Variants in CAMSAP2 observed in about 807,000 individuals in gnomAD.
CAMSAP2 encodes calmodulin regulated spectrin associated protein family member 2.
A neutral mutation model predicts 146.1 loss-of-function variants in CAMSAP2; 26 were observed. The observed-to-expected ratio is 0.18, with a 90% CI of 0.13 to 0.25. The LOEUF (loss-of-function observed/expected upper bound fraction) is 0.25, where lower values mean the gene tolerates loss of function less well. Among genes scored for constraint, CAMSAP2 ranks in the 10% least tolerant of loss-of-function variants. The pLI is 1.00. For missense variants in CAMSAP2, 1,381 were observed against 1,759.3 expected (o/e 0.78, Z 3.85); for synonymous variants, 499 against 596.6 (o/e 0.84, Z 2.38).
chr1:200,744,345 C>T (rs943539974), intron 1 of CAMSAP2, among the ~76,000 whole-genome samples: 1 of 152,024 alleles, frequency 6.6e-6, no homozygotes, highest in African/African-American at 2.4e-5. Context: ...AGGGTGAGGT[C>T]GCCTGAGGTT....
Position 200,849,274 on chromosome 1 carries a change from A to G in CAMSAP2, c.2505A>G (p.Ala835=). The G allele has an allele frequency of 6.2e-7, 1 of 1,614,022 alleles. No individual in the cohort carries two copies. The highest frequency in any genetic ancestry group is 1.1e-5 in the South Asian group (1 of 91,086). ...KTDGQRSKSL[A]DIKESMENPQ... ...ATGGACAAAGGAGCAAGTCACTGGC[A>G]GATATAAAAGAGAGCATGGAGAATC... Residue 835 remains alanine, a synonymous_variant, in exon 11 of 17, where the codon GCA becomes GCG. Coordinates refer to ENST00000358823, the MANE Select transcript of CAMSAP2 (RefSeq NM_203459.4). The surrounding 1 kb of genome is among the most constrained non-coding windows in gnomAD (Gnocchi z 6.3).
intron 4 of CAMSAP2, among the ~76,000 whole-genome samples, chr1:200,817,380 G>C (rs1288463041): frequency 6.6e-6 from 1 of 152,012 alleles, no homozygotes; most frequent in Non-Finnish European, 1.5e-5. Context: ...CAGACTTTTA[G>C]AATTTTCTTC....
intron 2 of CAMSAP2, among the ~76,000 whole-genome samples, chr1:200,773,669 G>T (rs1665180241): frequency 6.6e-6 from 1 of 152,100 alleles, no homozygotes; most frequent in East Asian, 1.9e-4. Context: ...CTATTGTGGA[G>T]TAATAATGTT....
At chr1:200,796,827 C>T (rs1265267603) in intron 2 of CAMSAP2, among the ~76,000 whole-genome samples, 1 of 151,960 alleles carries the variant, frequency 6.6e-6, no homozygotes, top group Non-Finnish European at 1.5e-5. Context: ...CCCTCTCCCC[C>T]CACCCCACAA....
intron 4 of CAMSAP2, among the ~76,000 whole-genome samples, chr1:200,824,744 C>T (rs894317472): frequency 2.0e-5 from 3 of 152,242 alleles, no homozygotes; most frequent in East Asian, 1.9e-4. Context: ...TTTGGGAGGC[C>T]GAGGCGGGTG....
chr1:200,808,957 A>G (rs74575236), intron 3 of CAMSAP2, among the ~76,000 whole-genome samples: 426 of 152,254 alleles, frequency 2.8e-3, no homozygotes, highest in African/African-American at 9.4e-3. Flanking sequence ...TTTATTTCTA[A>G]CCTGCATTTG....
At position 200,849,848 on chromosome 1, in the gene CAMSAP2, G is replaced by A. The variant is rs759204277; in HGVS notation, c.3079G>A (p.Glu1027Lys). ...RSFVCFGDDGEPQLKESKPKE... is the reference protein window; with the variant it reads ...RSFVCFGDDGKPQLKESKPKE... ...ATTTGTATGTTTTGGGGATGATGGA[G>A]AACCTCAGTTAAAGGAATCCAAACC... The change falls in exon 11 of 17, where the codon GAA becomes AAA. Residue 1027 changes from glutamate (E) to lysine (K), a missense_variant. Around this residue, in one of 4 missense-constraint regions of CAMSAP2, gnomAD observed 560 missense variants for 715.9 expected, o/e 0.78. Transcript: ENST00000358823. This position sits in a 1 kb window ranked among gnomAD's most constrained non-coding sequence, Gnocchi z 6.3. 4.3e-6 allele frequency: 7 copies of A among 1,614,024 alleles called. No individual in the cohort carries two copies. Among genetic ancestry groups the A allele is most frequent in the Admixed American group, 1.7e-5 (1 of 59,990 alleles).
intron 1 of CAMSAP2, among the ~76,000 whole-genome samples, chr1:200,755,709 G>A (rs560234475): frequency 1.3e-5 from 2 of 152,310 alleles, no homozygotes; most frequent in African/African-American, 2.4e-5. Flanking sequence ...ATTTGAGTGC[G>A]TACTGTGTTT....
intron 2 of CAMSAP2, among the ~76,000 whole-genome samples, chr1:200,799,302 G>T (rs1393792243): frequency 3.4e-5 from 5 of 146,614 alleles, no homozygotes; most frequent in Non-Finnish European, 6.1e-5. Flanking sequence ...TAGTCCTGGG[G>T]TTTTTTTTTT....
intron 1 of CAMSAP2, among the ~76,000 whole-genome samples, chr1:200,745,204 C>A (rs1281457386): frequency 1.3e-5 from 2 of 152,060 alleles, no homozygotes; most frequent in Admixed American, 1.3e-4. Context: ...AGGATTTTAG[C>A]GGCATCTGTG....
chr1:200,856,288 A>G (rs1667750848), intron 15 of CAMSAP2, among the ~76,000 whole-genome samples, 163 bp downstream of exon 15: 1 of 152,352 alleles, frequency 6.6e-6, no homozygotes, highest in Non-Finnish European at 1.5e-5. Flanking sequence ...GTAAGTTTCT[A>G]AACAAAATTA....
rs1448472003 is a variant in CAMSAP2 at position 200,739,911 on chromosome 1, C to T, written c.84C>T (p.Ser28=). Reference sequence around the variant, plus strand: ...AGCCTTTTGACCACTATGATTTCTCCAGGGCCAAAATCGCCTGCAATCTGG... The same window carrying T: ...AGCCTTTTGACCACTATGATTTCTCTAGGGCCAAAATCGCCTGCAATCTGG... ...AIKPFDHYDF[S]RAKIACNLAW... The change falls in exon 1 of 17, where the codon TCC becomes TCT. Residue 28 remains serine, a synonymous_variant. Transcript: ENST00000358823. The surrounding 1 kb of genome is among the most constrained non-coding windows in gnomAD (Gnocchi z 4.8). 1.1e-5 allele frequency: 17 copies of T among 1,614,182 alleles called. No individual in the cohort carries two copies. The highest frequency in any genetic ancestry group is 1.4e-5 in the Non-Finnish European group (17 of 1,180,028).
chr1:200,825,309 A>G (rs1331755560), intron 4 of CAMSAP2, among the ~76,000 whole-genome samples: 1 of 151,894 alleles, frequency 6.6e-6, no homozygotes, highest in Non-Finnish European at 1.5e-5. Flanking sequence ...TATCTCTTCT[A>G]CCCCTTACTT....
chr1:200,755,078 C>G (rs1664612373), intron 1 of CAMSAP2, among the ~76,000 whole-genome samples: 1 of 152,168 alleles, frequency 6.6e-6, no homozygotes, highest in Admixed American at 6.5e-5. Flanking sequence ...TCCTTACTTT[C>G]TGGCACATAC....
rs146848540 is a variant in CAMSAP2, at chr1:200,851,209, T to G, written c.3465+975T>G. On this transcript the variant is annotated intron_variant, in intron 11 of 16. Coordinates refer to ENST00000358823, the MANE Select transcript of CAMSAP2 (RefSeq NM_203459.4). Reference sequence around the variant, plus strand: ...TTTTTATTTTTATTTATTTATTTATTTATTTTTTGAGACAGAGCTTCGCTC... The same window carrying G: ...TTTTTATTTTTATTTATTTATTTATGTATTTTTTGAGACAGAGCTTCGCTC... 5.3e-5 allele frequency among the ~76,000 whole-genome samples: 8 copies of G among 152,314 alleles called. No individual in the cohort carries two copies. The East Asian group carries it at 1.5e-3, about 29-fold the overall frequency.
intron 2 of CAMSAP2, among the ~76,000 whole-genome samples, chr1:200,781,931 G>A (rs1483786974): frequency 6.6e-6 from 1 of 151,932 alleles, no homozygotes; most frequent in Non-Finnish European, 1.5e-5. Flanking sequence ...TCCATTATTA[G>A]TGAACCAGGC....
chr1:200,748,522 GT>G (rs940487950), intron 1 of CAMSAP2, among the ~76,000 whole-genome samples: 4 of 149,832 alleles, frequency 2.7e-5, no homozygotes, highest in South Asian at 2.1e-4. Context: ...ATATTGTTGT[GT>G]TTTTTTTTCT....
intron 7 of CAMSAP2, among the ~76,000 whole-genome samples, chr1:200,844,288 G>A (rs12086008): frequency 2.4e-3 from 368 of 152,008 alleles, no homozygotes; most frequent in African/African-American, 7.9e-3. Context: ...GGTGGCTTAC[G>A]CCTGTAATCC....
chr1:200,807,353 T>A, intron 2 of CAMSAP2, 23 bp from the exon 3 acceptor site: 1 of 1,458,116 alleles, frequency 6.9e-7, no homozygotes, highest in Non-Finnish European at 9.1e-7. Context: ...TTTAAACTAT[T>A]TGTTCTTGTT....
Sources: allele counts gnomAD v4.1 joint callset (sites outside exome capture counted in the v4.1 genomes callset), GRCh38; gene constraint gnomAD v4.1.1; regional missense constraint gnomAD v4.1.1; non-coding constraint Gnocchi (gnomAD v3.1); transcripts MANE v1.5; gene names NCBI Gene and HGNC (gene_info 2026-07-23, HGNC 2026-07-21).